FYCO1: variants seen among roughly 807,000 people sequenced by gnomAD.
FYCO1 encodes the protein FYVE and coiled-coil domain autophagy adaptor 1, also known as FYVE and coiled-coil domain-containing protein 1.
A neutral mutation model predicts 165.1 loss-of-function variants in FYCO1; 122 were observed. The ratio of observed to expected loss-of-function variants is 0.74; its 90% confidence interval spans 0.64 to 0.86. The LOEUF (loss-of-function observed/expected upper bound fraction) is 0.86, where lower values mean the gene tolerates loss of function less well. FYCO1 is among the 40% of genes least tolerant of loss of function. FYCO1 has a pLI of 0.00. For missense variants in FYCO1, 1,702 were observed against 1,810.3 expected, an observed-to-expected ratio of 0.94 and a Z score of 1.09; for synonymous variants, 648 against 742.5, an observed-to-expected ratio of 0.87 and a Z score of 2.07.
At chr3:45,931,035 G>T in intron 16 of FYCO1, 36 bp downstream of exon 16, 1 of 1,594,304 alleles carries the variant, frequency 6.3e-7, no homozygotes, top group South Asian at 1.1e-5. Context: ...CCAGATGTGT[G>T]TGTAAGGAGC....
chr3:45,964,215 G>A lies in FYCO1; in HGVS notation c.3269+121C>T. ...TCCAGCAGAAGCACTTTCTGAGTTT[G>A]TGGCTTTTCTTGCAAAAGGACTTCC... On this transcript the variant is annotated intron_variant, in intron 10 of 17. Coordinates refer to ENST00000296137, the MANE Select transcript of FYCO1 (RefSeq NM_024513.4). This position sits in a 1 kb window ranked among gnomAD's most constrained non-coding sequence, Gnocchi z 4.1. 1 of 849,406 alleles carries A rather than the reference G, an allele frequency of 1.2e-6. No individual in the cohort carries two copies. Among genetic ancestry groups the A allele is most frequent in the Non-Finnish European group, 2.0e-6 (1 of 494,174 alleles). 52.6% of individuals were successfully genotyped at this position (849,406 alleles called of 1,614,324 possible).
chr3:45,935,793 C>A (rs1352941953), intron 15 of FYCO1, among the ~76,000 whole-genome samples: 1 of 152,114 alleles, frequency 6.6e-6, no homozygotes, highest in Non-Finnish European at 1.5e-5. Flanking sequence ...AGGGGTCAGC[C>A]TTTCTTGGTT....
chr3:45,939,588 G>A (rs1328658541), intron 14 of FYCO1, among the ~76,000 whole-genome samples: 1 of 152,156 alleles, frequency 6.6e-6, no homozygotes, highest in Admixed American at 6.5e-5. Context: ...GCTGAGGGAG[G>A]AACAGATGCC....
chr3:45,938,421 G>A (rs1422339184), intron 14 of FYCO1, among the ~76,000 whole-genome samples: 1 of 152,230 alleles, frequency 6.6e-6, no homozygotes, highest in Non-Finnish European at 1.5e-5. Context: ...AAGAGAAATA[G>A]AATAAAACAG....
chr3:45,934,455 T>A (rs74714716), intron 15 of FYCO1, among the ~76,000 whole-genome samples: 203 of 152,366 alleles, frequency 1.3e-3, no homozygotes, highest in African/African-American at 4.6e-3. Flanking sequence ...ATTTCTCATC[T>A]AAAACCATGG....
Position 45,959,481 on chromosome 3 carries a change from C to T in FYCO1, c.3499G>A (p.Glu1167Lys). Reference sequence around the variant, plus strand: ...TCTGTGTCTCCGAGCCATCTCTCCTCAGCACTGAGCTTCTGCTGGAATTCC... The same window carrying T: ...TCTGTGTCTCCGAGCCATCTCTCCTTAGCACTGAGCTTCTGCTGGAATTCC... ...ALEFQQKLSA[E>K]ERWLGDTEAN... is the part of the protein sequence containing the mutation. Residue 1167 changes from glutamate to lysine, a missense_variant, in exon 12 of 18, where the codon GAG becomes AAG. Physicochemically the swap from Glu to Lys is moderately conservative, Grantham distance 56. Transcript: ENST00000296137. The T allele has an allele frequency of 6.2e-7, 1 of 1,614,166 alleles. No individual in the cohort carries two copies. The highest frequency in any genetic ancestry group is 8.5e-7 in the Non-Finnish European group (1 of 1,180,030).
intron 16 of FYCO1, among the ~76,000 whole-genome samples, chr3:45,927,701 G>A (rs1439625409): frequency 6.6e-6 from 1 of 152,202 alleles, no homozygotes; most frequent in African/African-American, 2.4e-5. Context: ...TAAGGATCCC[G>A]GGAGAGTGAG....
rs1339852890 is a variant in FYCO1, at chr3:45,959,428, C to G, written c.3552G>C (p.Arg1184=). ...GCCGCCGCACCATCCAGCTGAACTC[C>G]CGCTTACAGTCGAGGCAGTGGTTTG... is the stretch of plus-strand genomic sequence containing the variant. ...TEANHCLDCK[R]EFSWMVRRHH... The change falls in exon 12 of 18, where the codon CGG becomes CGC. Residue 1184 remains arginine, a synonymous_variant. Transcript: ENST00000296137. The G allele has an allele frequency of 6.2e-7, 1 of 1,614,088 alleles. No homozygotes were observed. Among genetic ancestry groups the G allele is most frequent in the Admixed American group, 1.7e-5 (1 of 60,034 alleles).
At position 45,985,024 on chromosome 3, in the gene FYCO1, T is replaced by C. The variant is rs1707244361; in HGVS notation, c.-112-2A>G. On this transcript the variant is annotated splice_acceptor_variant, in intron 1 of 17. Transcript: ENST00000296137. LOFTEE classifies it low-confidence loss of function (5UTR_SPLICE). ...AGTGGTCAGACTCCATGGTGGCACC[T>C]GCACAGAGGAAGGGGAGGCCATGGA... The C allele has an allele frequency of 2.1e-6, 2 of 960,278 alleles. No homozygotes were observed. Among genetic ancestry groups the C allele is most frequent in the South Asian group, 2.6e-5 (2 of 77,276 alleles). 59.5% of individuals were successfully genotyped at this position (960,278 alleles called of 1,614,324 possible). A position where few individuals can be genotyped will look rare whatever the true frequency, so the allele number is the denominator to read the frequency against.
chr3:45,986,758 C>T (rs973206515), intron 1 of FYCO1, among the ~76,000 whole-genome samples: 3 of 152,124 alleles, frequency 2.0e-5, no homozygotes, highest in African/African-American at 7.2e-5. Context: ...CCTGCCCATC[C>T]CTGGGTGTCT....
intron 13 of FYCO1, among the ~76,000 whole-genome samples, chr3:45,957,424 C>T (rs780472545): frequency 3.3e-5 from 5 of 152,200 alleles, no homozygotes; most frequent in African/African-American, 4.8e-5. Flanking sequence ...AAATGATAAA[C>T]TTCTGCTCTT....
At position 45,955,270 on chromosome 3, in the gene FYCO1, A is replaced by G; in HGVS notation, c.3923T>C (p.Leu1308Pro). The stretch of plus-strand genomic sequence containing the variant: ...TCACTGTTCAGCCGCATTTGGGTCG[A>G]GAGAATCAGTTTCAGTGGGTGTTTC... ...LPETPTETDS[L>P]DPNAAEQDTT... Residue 1308 changes from leucine to proline, a missense_variant, in exon 14 of 18, where the codon CTC becomes CCC. Transcript: ENST00000296137. 6.2e-7 allele frequency: 1 copy of G among 1,614,118 alleles called. No individual in the cohort carries two copies. The highest frequency in any genetic ancestry group is 8.5e-7 in the Non-Finnish European group (1 of 1,180,038).
At chr3:45,986,642 G>GA (rs1559469199) in intron 1 of FYCO1, among the ~76,000 whole-genome samples, 1 of 152,148 alleles carries the variant, frequency 6.6e-6, no homozygotes, top group African/African-American at 2.4e-5. Flanking sequence ...CCAGAGAGAA[G>GA]AGCTTCAGGG....
At chr3:45,938,020 G>A (rs947576809) in intron 14 of FYCO1, among the ~76,000 whole-genome samples, 5 of 152,184 alleles carry the variant, frequency 3.3e-5, no homozygotes, top group South Asian at 2.1e-4. Flanking sequence ...TGTCCAAGGC[G>A]TAAATACCAT....
intron 16 of FYCO1, among the ~76,000 whole-genome samples, chr3:45,930,074 C>G (rs1703516405): frequency 6.6e-6 from 1 of 152,216 alleles, no homozygotes; most frequent in South Asian, 2.1e-4. Flanking sequence ...TTTCACATGA[C>G]TTCAGCTAGC....
chr3:45,988,802 T>C (rs1406519869), intron 1 of FYCO1, among the ~76,000 whole-genome samples: 1 of 152,224 alleles, frequency 6.6e-6, no homozygotes, highest in East Asian at 1.9e-4. Context: ...TTCTTATTTT[T>C]CACTTGGTAC....
chr3:45,967,418 A>C lies in FYCO1; in HGVS notation c.1916T>G (p.Leu639Arg), dbSNP rs759465183. 9 of 1,613,066 alleles carry C rather than the reference A, an allele frequency of 5.6e-6. No homozygotes were observed. In the African/African-American group the frequency reaches 6.7e-5, roughly 12 times the overall value. ...VGRNQLLEGK[L>R]QALQADYQAL... ...CTGGTAATCGGCCTGCAGGGCTTGC[A>C]GCTTGCCCTCCAGGAGCTGGTTACG... is the stretch of plus-strand genomic sequence containing the variant. Residue 639 changes from leucine (L) to arginine (R), a missense_variant, in exon 8 of 18, where the codon CTG becomes CGG. Transcript: ENST00000296137.
At chr3:45,990,562 T>C (rs1707512169) in intron 1 of FYCO1, among the ~76,000 whole-genome samples, 1 of 152,216 alleles carries the variant, frequency 6.6e-6, no homozygotes, top group Non-Finnish European at 1.5e-5. Flanking sequence ...TGAATCTCTA[T>C]TCTTTCCACT....
chr3:45,936,389 G>A, intron 15 of FYCO1, 59 bp downstream of exon 15: 1 of 1,150,996 alleles, frequency 8.7e-7, no homozygotes, highest in East Asian at 2.3e-5. Flanking sequence ...GCACTGGAGA[G>A]GCCAGTGCTC....
Sources: gnomAD v4.1 joint callset for allele counts (sites outside exome capture counted in the v4.1 genomes callset) on GRCh38, gnomAD v4.1.1 for gene constraint, Gnocchi (gnomAD v3.1) non-coding constraint, MANE v1.5 for transcripts, NCBI Gene and HGNC (gene_info 2026-07-23, HGNC 2026-07-21) for gene names.